AVEN: variants seen among roughly 807,000 people sequenced by gnomAD.
AVEN encodes the protein cell death regulator Aven.
AVEN carries 41 observed loss-of-function variants against 38.1 expected under a neutral mutation model. The ratio of observed to expected loss-of-function variants is 1.08; its 90% CI spans 0.84 to 1.40. The LOEUF is 1.40. AVEN is among the 40% of genes most tolerant of loss of function. The pLI is 0.00. For synonymous variants in AVEN, 206 were observed against 171.8 expected (o/e 1.20, Z -1.56); for missense variants, 605 against 438.8 (o/e 1.38, Z -3.38).
At chr15:33,961,830 A>G (rs1278409396) in intron 2 of AVEN, among the ~76,000 whole-genome samples, 3 of 150,820 alleles carry the variant, frequency 2.0e-5, no homozygotes, top group Admixed American at 6.6e-5. Context: ...AAAAAAAAAA[A>G]AAAAAAAAGA....
intron 2 of AVEN, among the ~76,000 whole-genome samples, chr15:33,949,148 C>A (rs1034578578): frequency 6.6e-6 from 1 of 152,142 alleles, no homozygotes; most frequent in Non-Finnish European, 1.5e-5. Flanking sequence ...CTCAGCCTCC[C>A]GAGTAGCTGG....
intron 1 of AVEN, among the ~76,000 whole-genome samples, chr15:34,029,798 T>C (rs4780201): frequency 0.99 from 151,183 of 152,346 alleles, 75,026 homozygotes; most frequent in Middle Eastern, 1. Flanking sequence ...AAGACTTCTT[T>C]AATAATATAA....
At chr15:34,044,368 A>G (rs993547297) in intron 5 of AVEN, among the ~76,000 whole-genome samples, 2 of 152,218 alleles carry the variant, frequency 1.3e-5, no homozygotes, top group African/African-American at 2.4e-5. Flanking sequence ...CTCATTTGAT[A>G]CAGTTGATTA....
intron 2 of AVEN, among the ~76,000 whole-genome samples, chr15:33,981,929 C>T (rs1337596126): frequency 1.3e-5 from 2 of 152,124 alleles, no homozygotes; most frequent in Non-Finnish European, 2.9e-5. Flanking sequence ...CAGCTCACTG[C>T]AACCTCCACC....
intron 2 of AVEN, among the ~76,000 whole-genome samples, chr15:33,951,467 C>T (rs961767532): frequency 7.3e-5 from 11 of 150,792 alleles, no homozygotes; most frequent in Admixed American, 4.6e-4. Flanking sequence ...ATGTAAATGA[C>T]GAGTTAATGG....
At chr15:33,891,266 G>A (rs954026557) in intron 2 of AVEN, among the ~76,000 whole-genome samples, 2 of 152,010 alleles carry the variant, frequency 1.3e-5, no homozygotes, top group East Asian at 1.9e-4. Context: ...AAGTTCTAGG[G>A]CACATGTGCA....
intron 2 of AVEN, chr15:33,969,195 A>T (rs773103852): frequency 2.6e-5 from 4 of 152,092 alleles, no homozygotes; most frequent in Non-Finnish European, 5.9e-5. Flanking sequence ...TGTCTACTGA[A>T]ATTAAATCTG....
chr15:33,932,056 T>G (rs1398778191), intron 2 of AVEN, among the ~76,000 whole-genome samples: 1 of 152,182 alleles, frequency 6.6e-6, no homozygotes, highest in African/African-American at 2.4e-5. Flanking sequence ...ACTTCCAGCA[T>G]GTAAAAGTCA....
downstream of AVEN, chr15:33,864,096 G>C (rs539694577): frequency 2.0e-6 from 3 of 1,485,702 alleles, no homozygotes; most frequent in South Asian, 1.2e-5. Context: ...ATGAACTTGG[G>C]TCTTGACCAG....
At chr15:34,051,887 C>T (rs1376867310) in intron 5 of AVEN, among the ~76,000 whole-genome samples, 1 of 151,800 alleles carries the variant, frequency 6.6e-6, no homozygotes, top group Non-Finnish European at 1.5e-5. Context: ...AACCCAGGAC[C>T]AGACAGATTT....
In AVEN at chr15:33,866,317, A is replaced by G. The variant is rs1890477351; in HGVS notation, c.*296T>C. ...AGCAGCAGCATCTGCTATGCTGTAA[A>G]CACTGGCTATGTTGTAAACACTGCA... is the stretch of plus-strand genomic sequence containing the variant. On this transcript the variant is annotated 3_prime_UTR_variant, in exon 6 of 6. Coordinates refer to ENST00000306730, the MANE Select transcript of AVEN (RefSeq NM_020371.3). 2.5e-6 allele frequency: 1 copy of G among 397,778 alleles called. No individual in the cohort carries two copies. Among genetic ancestry groups the G allele is most frequent in the African/African-American group, 2.0e-5 (1 of 49,724 alleles). 24.6% of individuals were successfully genotyped at this position (397,778 alleles called of 1,614,324 possible). A position where few individuals can be genotyped will look rare whatever the true frequency, so the allele number is the denominator to read the frequency against.
At chr15:33,896,057 T>A (rs1344986756) in intron 2 of AVEN, among the ~76,000 whole-genome samples, 1 of 152,198 alleles carries the variant, frequency 6.6e-6, no homozygotes, top group Non-Finnish European at 1.5e-5. Flanking sequence ...TGGTCTCACC[T>A]AACAAATATT....
chr15:34,034,809 G>T (rs1899040505), intron 1 of AVEN, among the ~76,000 whole-genome samples: 1 of 152,204 alleles, frequency 6.6e-6, no homozygotes, highest in Non-Finnish European at 1.5e-5. Context: ...GGATTACCAA[G>T]AACTAATCTT....
chr15:34,034,900 A>C (rs1424257391), intron 1 of AVEN, among the ~76,000 whole-genome samples: 1 of 152,186 alleles, frequency 6.6e-6, no homozygotes, highest in East Asian at 1.9e-4. Context: ...AAAAAGGAAA[A>C]TAAAGTCTAG....
chr15:34,024,996 C>A (rs1246303423), intron 1 of AVEN, among the ~76,000 whole-genome samples: 1 of 151,890 alleles, frequency 6.6e-6, no homozygotes, highest in Admixed American at 6.6e-5. Flanking sequence ...CAGTAGAGAA[C>A]CCCGTCTCTA....
chr15:33,880,352 T>C (rs1891433633), intron 2 of AVEN, among the ~76,000 whole-genome samples: 1 of 152,104 alleles, frequency 6.6e-6, no homozygotes, highest in South Asian at 2.1e-4. Context: ...CAAAAGGTGG[T>C]ATTGAGAGGC....
At chr15:33,917,525 G>GTA (rs34540122) in intron 2 of AVEN, among the ~76,000 whole-genome samples, 1,959 of 145,758 alleles carry the variant, frequency 0.013, 18 homozygotes, top group African/African-American at 0.028. Context: ...ACACATACGT[G>GTA]TATATATATA....
At chr15:33,976,333 G>A (rs1309129707) in intron 2 of AVEN, among the ~76,000 whole-genome samples, 1 of 152,188 alleles carries the variant, frequency 6.6e-6, no homozygotes, top group Non-Finnish European at 1.5e-5. Context: ...CTGCTTTGAA[G>A]TCAATCTCCT....
chr15:33,924,595 T>G (rs1467537471), intron 2 of AVEN, among the ~76,000 whole-genome samples: 4 of 152,182 alleles, frequency 2.6e-5, no homozygotes, highest in Non-Finnish European at 5.9e-5. Flanking sequence ...GTGCTGGGAT[T>G]ATAGGCGTGA....
Sources: allele counts gnomAD v4.1 joint callset (sites outside exome capture counted in the v4.1 genomes callset), GRCh38; gene constraint gnomAD v4.1.1; transcripts MANE v1.5; gene names NCBI Gene and HGNC (gene_info 2026-07-23, HGNC 2026-07-21).